The following MAPK14 variants were observed in gnomAD, a reference collection of about 807,000 sequenced individuals.
MAPK14 encodes CSAID-binding protein.
A neutral mutation model predicts 49.6 loss-of-function variants in MAPK14; 16 were observed. The ratio of observed to expected loss-of-function variants is 0.32; its 90% CI spans 0.22 to 0.49. The LOEUF is 0.49. Among genes scored for constraint, MAPK14 ranks in the 20% least tolerant of loss-of-function variants. MAPK14 has a pLI of 0.99. For missense variants in MAPK14, 200 were observed against 441.2 expected (o/e 0.45, Z 4.90); for synonymous variants, 142 against 158.0 (o/e 0.90, Z 0.76).
chr6:36,039,278 C>G (rs1762864870), intron 1 of MAPK14, among the ~76,000 whole-genome samples: 1 of 152,162 alleles, frequency 6.6e-6, no homozygotes. Flanking sequence ...AACATAGATT[C>G]CCATGGCAAC....
chr6:36,090,688 G>A (rs900655842), intron 8 of MAPK14, among the ~76,000 whole-genome samples: 1 of 152,004 alleles, frequency 6.6e-6, no homozygotes, highest in African/African-American at 2.4e-5. Context: ...CATCACGCCC[G>A]GCTAATTTTT....
At chr6:36,118,921 T>C in the MAPK14 span, among the ~76,000 whole-genome samples, 1 of 151,516 alleles carries the variant, frequency 6.6e-6, no homozygotes, top group Non-Finnish European at 1.5e-5. Flanking sequence ...GGTGCCCCCC[T>C]CCAAGTGTTT....
Position 36,107,412 on chromosome 6 carries a change from A to C in MAPK14, c.842-43A>C. On this transcript the variant is annotated intron_variant, in intron 10 of 11. Coordinates refer to ENST00000229794, the MANE Select transcript of MAPK14 (RefSeq NM_139012.3). This position sits in a 1 kb window ranked among gnomAD's most constrained non-coding sequence, Gnocchi z 4.3. ...GCTCAATAAGGCATACTTTTTTGTA[A>C]CATGTTAAAAACTCTTTTCCTTCCT... The C allele has an allele frequency of 2.1e-6, 3 of 1,414,700 alleles. No individual in the cohort carries two copies. The highest frequency in any genetic ancestry group is 2.5e-5 in the Admixed American group (1 of 40,248). 87.6% of individuals were successfully genotyped at this position (1,414,700 alleles called of 1,614,324 possible).
the MAPK14 span, among the ~76,000 whole-genome samples, chr6:36,121,015 G>T: frequency 6.6e-6 from 1 of 152,146 alleles, no homozygotes; most frequent in Non-Finnish European, 1.5e-5. Flanking sequence ...GGCAAAGCCA[G>T]CCCAGGAAGA....
At position 36,095,998 on chromosome 6, in the gene MAPK14, T is replaced by C. The variant is rs763843257; in HGVS notation, c.694T>C (p.Leu232=). Residue 232 remains leucine, a synonymous_variant, in exon 9 of 12, where the codon TTG becomes CTG. Transcript: ENST00000229794. ...LFPGTDHIDQ[L]KLILRLVGTP... ...TGGTCCACCATTAGATATTGATCAG[T>C]TGAAGCTCATTTTAAGACTCGTTGG... 6.8e-6 allele frequency: 11 copies of C among 1,608,776 alleles called. No individual in the cohort carries two copies. Among genetic ancestry groups the C allele is most frequent in the Non-Finnish European group, 9.4e-6 (11 of 1,175,154 alleles).
chr6:36,063,074 T>C (rs1763891608), intron 3 of MAPK14, among the ~76,000 whole-genome samples: 1 of 152,206 alleles, frequency 6.6e-6, no homozygotes, highest in Admixed American at 6.5e-5. Context: ...CTGAGAAATA[T>C]GTCATTAGGT....
At chr6:36,042,108 T>G (rs1762984690) in intron 1 of MAPK14, among the ~76,000 whole-genome samples, 1 of 152,200 alleles carries the variant, frequency 6.6e-6, no homozygotes, top group Non-Finnish European at 1.5e-5. Context: ...TCAGGTAGGG[T>G]GAACCCAGTT....
chr6:36,091,254 T>C (rs1400524521), intron 8 of MAPK14, among the ~76,000 whole-genome samples: 1 of 152,120 alleles, frequency 6.6e-6, no homozygotes, highest in Non-Finnish European at 1.5e-5. Flanking sequence ...TTTTGTTTTT[T>C]TTTTTCTTTA....
the MAPK14 span, among the ~76,000 whole-genome samples, chr6:36,121,413 C>G: frequency 1.3e-5 from 2 of 152,192 alleles, no homozygotes; most frequent in Admixed American, 6.5e-5. Flanking sequence ...TGCCCTCAAG[C>G]TGCCCAGCTG....
At chr6:36,030,659 C>A (rs1015748435) in intron 1 of MAPK14, among the ~76,000 whole-genome samples, 1 of 146,794 alleles carries the variant, frequency 6.8e-6, no homozygotes, top group Non-Finnish European at 1.5e-5. Context: ...TGCACTCCAG[C>A]CTGGGCGAAA....
At chr6:36,092,684 G>A (rs1057170595) in intron 8 of MAPK14, 1 of 339,512 alleles carries the variant, frequency 2.9e-6, no homozygotes, top group Admixed American at 4.0e-5. Flanking sequence ...CAGGAGAGAA[G>A]TTCACCTCCA....
rs1425438004 is a variant in MAPK14 at position 36,085,209 on chromosome 6, G to A, written c.682+8601G>A. Among the ~76,000 whole-genome samples the A allele has an allele frequency of 2.0e-5, 3 of 152,134 alleles. No homozygotes were observed. The East Asian group carries it at 5.8e-4, about 29-fold the overall frequency. On this transcript the variant is annotated intron_variant, in intron 8 of 11. Coordinates refer to ENST00000229794, the MANE Select transcript of MAPK14 (RefSeq NM_139012.3). ...AAGGAAAAACTTACTGGCCACTACA[G>A]AAACACACTGTTTTCTTTTACCAGT...
chr6:36,072,908 A>G lies in MAPK14; in HGVS notation c.341A>G (p.Asn114Ser), dbSNP rs1264678748. ...LVTHLMGADL[N>S]NIVKCQKLTD... ...ACCCATCTCATGGGGGCAGATCTGA[A>G]CAACATTGTGAAATGTCAGAAGCTT... is the stretch of plus-strand genomic sequence containing the variant. The change falls in exon 4 of 12, where the codon AAC (asparagine) becomes AGC (serine). Residue 114 changes from asparagine to serine, a missense_variant. By Grantham distance (46) the Asn-to-Ser change is conservative. This residue lies in a region of MAPK14 where 170 missense variants were observed against 407.0 expected (regional missense o/e 0.42). Coordinates refer to ENST00000229794, the MANE Select transcript of MAPK14 (RefSeq NM_139012.3). The G allele has an allele frequency of 6.2e-7, 1 of 1,613,014 alleles. No individual in the cohort carries two copies. Among genetic ancestry groups the G allele is most frequent in the Non-Finnish European group, 8.5e-7 (1 of 1,179,396 alleles).
At chr6:36,120,390 C>T in the MAPK14 span, among the ~76,000 whole-genome samples, 3 of 152,052 alleles carry the variant, frequency 2.0e-5, no homozygotes, top group African/African-American at 7.3e-5. Context: ...CCTCCCACCC[C>T]CACCAGCCAA....
At chr6:36,051,879 A>T (rs139476213) in intron 1 of MAPK14, among the ~76,000 whole-genome samples, 274 of 152,212 alleles carry the variant, frequency 1.8e-3, no homozygotes, top group African/African-American at 5.6e-3. Context: ...CTCTATAAAC[A>T]TTAATATTAT....
chr6:36,028,055 G>A lies in MAPK14; in HGVS notation c.-103G>A, dbSNP rs1331507493. 6.3e-6 allele frequency: 4 copies of A among 638,042 alleles called. No homozygotes were observed. Among genetic ancestry groups the A allele is most frequent in the Non-Finnish European group, 1.0e-5 (4 of 394,498 alleles). The allele number at this position is 638,042 out of a possible 1,614,324, so 39.5% of individuals were successfully genotyped here. A position where few individuals can be genotyped will look rare whatever the true frequency, so the allele number is the denominator to read the frequency against. ...GCACCTGCGCGGGCGACCAGCGCAA[G>A]GTCCCCGCCCGGCTGGGCGGGCAGC... On this transcript the variant is annotated 5_prime_UTR_variant, in exon 1 of 12. Transcript: ENST00000229794. This position sits in a 1 kb window ranked among gnomAD's most constrained non-coding sequence, Gnocchi z 5.1.
At chr6:36,100,165 A>AT in intron 9 of MAPK14, 3 of 1,517,514 alleles carry the variant, frequency 2.0e-6, no homozygotes, top group Non-Finnish European at 2.7e-6. Flanking sequence ...ATGTTTAACA[A>AT]TGCCCTTGAC....
At chr6:36,032,383 T>G (rs1376726882) in intron 1 of MAPK14, among the ~76,000 whole-genome samples, 1 of 152,178 alleles carries the variant, frequency 6.6e-6, no homozygotes, top group East Asian at 1.9e-4. Context: ...CTTTATGCAT[T>G]GTCTGTGAGG....
chr6:36,073,630 T>C (rs1764398098), intron 4 of MAPK14, 61 bp from the exon 5 acceptor site: 7 of 1,326,584 alleles, frequency 5.3e-6, no homozygotes, highest in Non-Finnish European at 6.4e-6. Flanking sequence ...GTGCAGCAAA[T>C]ATGTTATATA....
Sources: gnomAD v4.1 joint callset for allele counts (sites outside exome capture counted in the v4.1 genomes callset) on GRCh38, gnomAD v4.1.1 for gene constraint, gnomAD v4.1.1 regional missense constraint, Gnocchi (gnomAD v3.1) non-coding constraint, MANE v1.5 for transcripts, NCBI Gene and HGNC (gene_info 2026-07-23, HGNC 2026-07-21) for gene names.